UBAP2: variants seen among roughly 807,000 people sequenced by gnomAD.
UBAP2 encodes the protein ubiquitin-associated protein 2.
A neutral mutation model predicts 139.6 loss-of-function variants in UBAP2; 75 were observed. That is an observed-to-expected ratio of 0.54 (90% confidence interval 0.45 to 0.65). The LOEUF (loss-of-function observed/expected upper bound fraction) is 0.65, where lower values mean the gene tolerates loss of function less well. Ranked by LOEUF, UBAP2 falls within the 30% of genes least tolerant of loss-of-function variation. The pLI is 0.00. For synonymous variants in UBAP2, 526 were observed against 526.2 expected, an observed-to-expected ratio of 1.00 and a Z score of 0.01; for missense variants, 1,368 against 1,369.6, an observed-to-expected ratio of 1.00 and a Z score of 0.02.
intron 4 of UBAP2, chr9:33,994,752 A>C (rs1345517874): frequency 6.6e-6 from 1 of 151,950 alleles, no homozygotes; most frequent in Non-Finnish European, 1.5e-5. Flanking sequence ...TTACTGCTAC[A>C]CTCAAACAGT....
At chr9:34,017,440 A>G (rs1824465657) in intron 1 of UBAP2, among the ~76,000 whole-genome samples, 1 of 152,182 alleles carries the variant, frequency 6.6e-6, no homozygotes, top group African/African-American at 2.4e-5. Context: ...TTAACCAGCA[A>G]CCATTTTATC....
chr9:33,981,513 GCCCGGCTAATTT>G (rs1820753861), intron 6 of UBAP2, among the ~76,000 whole-genome samples: 1 of 144,940 alleles, frequency 6.9e-6, no homozygotes, highest in Non-Finnish European at 1.5e-5. Context: ...ACATCATCAT[GCCCGGCTAATTT>G]TTTTTTTTTT....
chr9:33,963,937 A>G, intron 8 of UBAP2, 146 bp from the exon 9 acceptor site: 1 of 621,368 alleles, frequency 1.6e-6, no homozygotes, highest in South Asian at 1.9e-5. Flanking sequence ...ATACTCTTAC[A>G]GGTCACTGCA....
At position 33,960,838 on chromosome 9, in the gene UBAP2, G is replaced by GTCT; in HGVS notation, c.783_785dup (p.Glu261dup). ...AGCAAACACTTACATCTTCAGTCCAGTCTTCTGTTGTCCACTCTTCCACAG... is the reference window on the plus strand; with the variant it reads ...AGCAAACACTTACATCTTCAGTCCAGTCTTCTTCTGTTGTCCACTCTTCCACAG... On this transcript the variant is annotated inframe_insertion, in exon 10 of 29. Coordinates refer to ENST00000379238, the MANE Select transcript of UBAP2 (RefSeq NM_001370062.2). 1 of 1,612,494 alleles carries GTCT rather than the reference G, an allele frequency of 6.2e-7. No individual in the cohort carries two copies. The highest frequency in any genetic ancestry group is 8.5e-7 in the Non-Finnish European group (1 of 1,179,812).
chr9:34,015,828 C>T (rs1186403579), intron 2 of UBAP2, among the ~76,000 whole-genome samples: 1 of 151,956 alleles, frequency 6.6e-6, no homozygotes, highest in Non-Finnish European at 1.5e-5. Flanking sequence ...GCCATCATGC[C>T]CAGCTACTTT....
intron 8 of UBAP2, among the ~76,000 whole-genome samples, chr9:33,966,674 C>T (rs1587578814): frequency 6.6e-6 from 1 of 151,886 alleles, no homozygotes; most frequent in Admixed American, 6.6e-5. Context: ...CTTGCATATA[C>T]GTAGTCAGAA....
intron 10 of UBAP2, among the ~76,000 whole-genome samples, chr9:33,960,554 T>G (rs527302916): frequency 6.6e-6 from 1 of 151,894 alleles, no homozygotes; most frequent in South Asian, 2.1e-4. Context: ...GGCGGGTGTA[T>G]CACCTGAGGT....
chr9:34,047,012 G>A (rs1827665089), intron 1 of UBAP2, among the ~76,000 whole-genome samples: 1 of 152,130 alleles, frequency 6.6e-6, no homozygotes, highest in Non-Finnish European at 1.5e-5. Context: ...TTAAAGGGAG[G>A]ACAGAGGAAA....
Position 34,016,370 on chromosome 9 carries a change from C to CGGCGGCGGCGGCGGTGGTGGTGGT in UBAP2, c.99+679_99+680insACCACCACCACCGCCGCCGCCGCC, listed in dbSNP as rs1321174650. ...GAGGAGGCAGCAGCGGCGGCAGCGG[C>CGGCGGCGGCGGCGGTGGTGGTGGT]GGTGGTGGTGGTGGTGGTGGTGGTG... On this transcript the variant is annotated intron_variant, in intron 2 of 28. Transcript: ENST00000379238. Among the ~76,000 whole-genome samples, 55 of 93,734 alleles carry CGGCGGCGGCGGCGGTGGTGGTGGT rather than the reference C, an allele frequency of 5.9e-4. 2 individuals carry two copies. Among genetic ancestry groups the CGGCGGCGGCGGCGGTGGTGGTGGT allele is most frequent in the African/African-American group, 2.5e-3 (52 of 20,546 alleles). The allele number at this position is 93,734 out of a possible 152,430, so 61.5% of individuals were successfully genotyped here.
intron 3 of UBAP2, chr9:33,998,135 A>G (rs1264280177): frequency 1.3e-5 from 2 of 152,256 alleles, no homozygotes; most frequent in African/African-American, 4.8e-5. Flanking sequence ...AATTCAGGCC[A>G]GTAATCCTGT....
At chr9:33,933,421 A>C in intron 18 of UBAP2, 69 bp downstream of exon 18, 2 of 1,558,890 alleles carry the variant, frequency 1.3e-6, no homozygotes, top group Non-Finnish European at 1.7e-6. Flanking sequence ...TCATGAAAGC[A>C]ACCTTCTACA....
chr9:33,922,838 G>A lies in UBAP2; in HGVS notation c.3113C>T (p.Pro1038Leu). Reference sequence around the variant, plus strand: ...GCCCAAGACCGAGGGCAGGCTGAAAGGTGGAGGCGTCCCTGCATGAAATCC... The same window carrying A: ...GCCCAAGACCGAGGGCAGGCTGAAAAGTGGAGGCGTCCCTGCATGAAATCC... Reference protein sequence around the residue: ...KQGFHAGTPPPFSLPSVLGST... With the variant: ...KQGFHAGTPPLFSLPSVLGST... The change falls in exon 28 of 29, where the codon CCT (proline) becomes CTT (leucine). Residue 1038 changes from proline to leucine, a missense_variant. Pro to Leu is a moderately conservative substitution (Grantham distance 98, BLOSUM62 -3). Coordinates refer to ENST00000379238, the MANE Select transcript of UBAP2 (RefSeq NM_001370062.2). 1 of 1,579,370 alleles carries A rather than the reference G, an allele frequency of 6.3e-7. No individual in the cohort carries two copies. Among genetic ancestry groups the A allele is most frequent in the Non-Finnish European group, 8.6e-7 (1 of 1,161,184 alleles).
intron 12 of UBAP2, among the ~76,000 whole-genome samples, chr9:33,951,796 C>T (rs922907407): frequency 6.6e-6 from 1 of 152,140 alleles, no homozygotes; most frequent in African/African-American, 2.4e-5. Flanking sequence ...TGTAAAAACT[C>T]AAGTCCTTCT....
At chr9:34,048,182 T>C (rs1827779040) in intron 1 of UBAP2, among the ~76,000 whole-genome samples, 1 of 152,176 alleles carries the variant, frequency 6.6e-6, no homozygotes, top group Non-Finnish European at 1.5e-5. Flanking sequence ...TATGTATTAT[T>C]AACAGAGAGA....
At chr9:34,011,121 G>GA (rs1386813155) in intron 2 of UBAP2, among the ~76,000 whole-genome samples, 1 of 152,218 alleles carries the variant, frequency 6.6e-6, no homozygotes, top group South Asian at 2.1e-4. Context: ...CTTGATGGGT[G>GA]AAAGAATCTC....
chr9:33,974,394 C>G (rs1350411949), intron 6 of UBAP2, among the ~76,000 whole-genome samples: 2 of 151,996 alleles, frequency 1.3e-5, no homozygotes, highest in Non-Finnish European at 2.9e-5. Flanking sequence ...GTAGTCCCAA[C>G]TACTCGGAAG....
In UBAP2 at chr9:34,035,500, T is replaced by TAAAAAAAA. The variant is rs1202143092; in HGVS notation, c.-42+13317_-42+13324dup. 8.5e-4 allele frequency among the ~76,000 whole-genome samples: 31 copies of TAAAAAAAA among 36,648 alleles called. 3 individuals are homozygous for TAAAAAAAA. The highest frequency in any genetic ancestry group is 3.7e-3 in the Admixed American group (9 of 2,406). The allele number at this position is 36,648 out of a possible 152,430, so 24.0% of individuals were successfully genotyped here. ...CTGGGTGACAGAGCGAGACTCCATCTAAAAAAAAAAAAAAATATATATATA... is the reference window on the plus strand; with the variant it reads ...CTGGGTGACAGAGCGAGACTCCATCTAAAAAAAAAAAAAAAAAAAAAAATATATATATA... On this transcript the variant is annotated intron_variant, in intron 1 of 28. Transcript: ENST00000379238.
intron 3 of UBAP2, chr9:33,997,180 T>C (rs1256180942): frequency 6.6e-6 from 1 of 152,214 alleles, no homozygotes; most frequent in Non-Finnish European, 1.5e-5. Flanking sequence ...GGTGCTATGC[T>C]TGAAGTAATG....
intron 1 of UBAP2, among the ~76,000 whole-genome samples, chr9:34,025,705 G>A (rs1438430227): frequency 5.9e-5 from 9 of 152,078 alleles, no homozygotes; most frequent in African/African-American, 2.2e-4. Flanking sequence ...GAATAGTTTT[G>A]GAAAAAAGTT....
Sources: gnomAD v4.1 joint callset for allele counts (sites outside exome capture counted in the v4.1 genomes callset) on GRCh38, gnomAD v4.1.1 for gene constraint, MANE v1.5 for transcripts, NCBI Gene and HGNC (gene_info 2026-07-23, HGNC 2026-07-21) for gene names.